The following STYX variants were observed in gnomAD, a reference collection of about 807,000 sequenced individuals.
The protein encoded by STYX is serine/threonine/tyrosine interacting protein.
Under a neutral mutation model 42.7 loss-of-function variants are expected in STYX, and 20 were observed. The ratio of observed to expected loss-of-function variants is 0.47; its 90% CI spans 0.33 to 0.68. The LOEUF is 0.68. Among genes scored for constraint, STYX ranks in the 30% least tolerant of loss-of-function variants. The pLI is 0.02. For synonymous variants in STYX, 78 were observed against 81.9 expected, an observed-to-expected ratio of 0.95 and a Z score of 0.26; for missense variants, 226 against 268.5, an observed-to-expected ratio of 0.84 and a Z score of 1.11.
At chr14:52,749,616 AAT>A (rs757777054) in intron 3 of STYX, among the ~76,000 whole-genome samples, 5 of 152,358 alleles carry the variant, frequency 3.3e-5, no homozygotes, top group Middle Eastern at 3.4e-3. Flanking sequence ...TCAGTGAACA[AAT>A]AAAAATCTTT....
At chr14:52,734,044 A>G (rs1399118700) in intron 1 of STYX, among the ~76,000 whole-genome samples, 3 of 152,118 alleles carry the variant, frequency 2.0e-5, no homozygotes, top group African/African-American at 7.2e-5. Flanking sequence ...CCACCCCCAC[A>G]TCAGTCCGCT....
chr14:52,762,022 G>A (rs189364431), intron 9 of STYX, among the ~76,000 whole-genome samples: 109 of 151,812 alleles, frequency 7.2e-4, no homozygotes, highest in African/African-American at 1.9e-3. Flanking sequence ...TCCAGCCTGC[G>A]GAACAAGAGC....
chr14:52,753,826 T>G (rs1178231586), intron 4 of STYX, among the ~76,000 whole-genome samples: 2 of 148,648 alleles, frequency 1.3e-5, no homozygotes, highest in Middle Eastern at 3.5e-3. Flanking sequence ...TTTTGTAGTG[T>G]TTTTTTTTTA....
At chr14:52,751,061 T>G (rs1881590847) in intron 4 of STYX, among the ~76,000 whole-genome samples, 1 of 152,160 alleles carries the variant, frequency 6.6e-6, no homozygotes, top group South Asian at 2.1e-4. Flanking sequence ...GTGTACATTA[T>G]TTTATCTCTT....
chr14:52,752,358 A>T (rs1458398510), intron 4 of STYX, among the ~76,000 whole-genome samples: 1 of 151,840 alleles, frequency 6.6e-6, no homozygotes, highest in Non-Finnish European at 1.5e-5. Context: ...CCAGCTACTC[A>T]GGAGGCTGAG....
In STYX at chr14:52,768,766, A is replaced by T. The variant is rs1343334242; in HGVS notation, c.505-74A>T. ...TACAGATGAAGAATACCAACAGTGT[A>T]TACATTAATCACTATTTTGGGTATC... On this transcript the variant is annotated intron_variant, in intron 9 of 10. Transcript: ENST00000354586. 4 of 1,012,012 alleles carry T rather than the reference A, an allele frequency of 4.0e-6. No homozygotes were observed. In the African/African-American group the frequency reaches 6.7e-5, roughly 17 times the overall value. The allele number at this position is 1,012,012 out of a possible 1,614,324, so 62.7% of individuals were successfully genotyped here.
At chr14:52,764,243 G>A (rs534171923) in intron 9 of STYX, among the ~76,000 whole-genome samples, 23 of 152,114 alleles carry the variant, frequency 1.5e-4, no homozygotes, top group East Asian at 1.9e-4. Context: ...CTCCCACCTC[G>A]GCCTCCCAAA....
intron 1 of STYX, among the ~76,000 whole-genome samples, chr14:52,743,936 C>T (rs1350974264): frequency 2.0e-5 from 3 of 152,146 alleles, no homozygotes; most frequent in Admixed American, 2.0e-4. Flanking sequence ...ATCTTCCCAC[C>T]TCAGCCTCCT....
intron 8 of STYX, 59 bp downstream of exon 8, chr14:52,757,983 TG>T (rs1251466264): frequency 1.9e-6 from 3 of 1,570,958 alleles, no homozygotes; most frequent in Non-Finnish European, 2.6e-6. Context: ...TGAAACTTAA[TG>T]GGAATAGTTT....
Position 52,770,949 on chromosome 14 carries a change from C to A in STYX, c.599-84C>A, listed in dbSNP as rs941338352. ...AATTTTCATAGTGTATACATGATCACTTAATAACAAAATTTTACTTGCTGT... is the reference window on the plus strand; with the variant it reads ...AATTTTCATAGTGTATACATGATCAATTAATAACAAAATTTTACTTGCTGT... On this transcript the variant is annotated intron_variant, in intron 10 of 10. Coordinates refer to ENST00000354586, the MANE Select transcript of STYX (RefSeq NM_145251.4). 11 of 1,293,268 alleles carry A rather than the reference C, an allele frequency of 8.5e-6. No individual in the cohort carries two copies. In the African/African-American group the frequency reaches 1.6e-4, roughly 19 times the overall value. 80.1% of individuals were successfully genotyped at this position (1,293,268 alleles called of 1,614,324 possible). A position where few individuals can be genotyped will look rare whatever the true frequency, so the allele number is the denominator to read the frequency against.
At chr14:52,734,743 A>C (rs1840632076) in intron 1 of STYX, among the ~76,000 whole-genome samples, 1 of 152,224 alleles carries the variant, frequency 6.6e-6, no homozygotes, top group African/African-American at 2.4e-5. Context: ...GCAAGCAACA[A>C]AAACGAATTT....
intron 1 of STYX, among the ~76,000 whole-genome samples, chr14:52,744,162 CT>C (rs775577930): frequency 5.9e-5 from 9 of 152,128 alleles, no homozygotes; most frequent in Non-Finnish European, 1.3e-4. Context: ...ATTCACTATA[CT>C]TTTTTTCTAA....
intron 1 of STYX, among the ~76,000 whole-genome samples, chr14:52,735,188 G>A (rs6572857): frequency 0.51 from 77,030 of 152,026 alleles, 19,607 homozygotes; most frequent in Middle Eastern, 0.59. Flanking sequence ...ACTTTCTCTC[G>A]GAGTCTCTGC....
In STYX at chr14:52,774,940, G is replaced by A. The variant is rs917004361; in HGVS notation, c.*3834G>A. On this transcript the variant is annotated 3_prime_UTR_variant, in exon 11 of 11. Coordinates refer to ENST00000354586, the MANE Select transcript of STYX (RefSeq NM_145251.4). ...AGGCACAAAGTATTAAAATTATTTTGTGAAGATTGGTGGTTGTATTAAAAC... is the reference window on the plus strand; with the variant it reads ...AGGCACAAAGTATTAAAATTATTTTATGAAGATTGGTGGTTGTATTAAAAC... The A allele has an allele frequency of 6.6e-6, 1 of 152,130 alleles. No individual in the cohort carries two copies. 9.4% of individuals were successfully genotyped at this position (152,130 alleles called of 1,614,324 possible).
chr14:52,767,477 TTTTTG>T (rs760426359), intron 9 of STYX, among the ~76,000 whole-genome samples: 7 of 152,194 alleles, frequency 4.6e-5, no homozygotes, highest in South Asian at 2.1e-4. Context: ...TGCTTTTCTG[TTTTTG>T]TTTTGTTTTG....
chr14:52,767,463 C>T (rs968854460), intron 9 of STYX, among the ~76,000 whole-genome samples: 1 of 152,076 alleles, frequency 6.6e-6, no homozygotes, highest in African/African-American at 2.4e-5. Context: ...TTTGGTTATA[C>T]TCTTGCTTTT....
chr14:52,730,845 C>T (rs1388078085), intron 1 of STYX, among the ~76,000 whole-genome samples: 4 of 152,180 alleles, frequency 2.6e-5, no homozygotes, highest in Non-Finnish European at 4.4e-5. Context: ...AACAAGAGAG[C>T]GAAGTTGGTT....
intron 8 of STYX, among the ~76,000 whole-genome samples, chr14:52,758,184 G>A (rs888786170): frequency 6.6e-6 from 1 of 152,134 alleles, no homozygotes; most frequent in African/African-American, 2.4e-5. Context: ...ATAAAAACTC[G>A]TGACCACAAA....
At chr14:52,743,940 G>A (rs112622739) in intron 1 of STYX, among the ~76,000 whole-genome samples, 1 of 152,118 alleles carries the variant, frequency 6.6e-6, no homozygotes, top group Non-Finnish European at 1.5e-5. Context: ...TCCCACCTCA[G>A]CCTCCTGTGT....
Sources: gnomAD v4.1 joint callset for allele counts (sites outside exome capture counted in the v4.1 genomes callset) on GRCh38, gnomAD v4.1.1 for gene constraint, MANE v1.5 for transcripts, NCBI Gene and HGNC (gene_info 2026-07-23, HGNC 2026-07-21) for gene names.